The following CHLSN variants were observed in gnomAD, a reference collection of about 807,000 sequenced individuals.
CHLSN encodes the protein cholesin, also known as protein cholesin.
the CHLSN span, among the ~76,000 whole-genome samples, chr7:1,040,991 GCCA>G: frequency 2.0e-5 from 3 of 152,266 alleles, no homozygotes; most frequent in Non-Finnish European, 4.4e-5. Context: ...TCAACCCGAA[GCCA>G]GAGGCTCGGC....
the CHLSN span, among the ~76,000 whole-genome samples, chr7:998,847 C>T: frequency 6.6e-6 from 1 of 152,122 alleles, no homozygotes; most frequent in African/African-American, 2.4e-5. Flanking sequence ...CCCAAGGGCA[C>T]GAAATGGACT....
At chr7:1,010,271 C>T in the CHLSN span, 1 of 818,292 alleles carries the variant, frequency 1.2e-6, no homozygotes, top group Admixed American at 3.1e-5. Flanking sequence ...AGCACTGGGT[C>T]TGGCCCCAGC....
the CHLSN span, among the ~76,000 whole-genome samples, chr7:1,127,559 C>T: frequency 6.6e-6 from 1 of 150,402 alleles, no homozygotes; most frequent in Non-Finnish European, 1.5e-5. Flanking sequence ...AACCTATGGA[C>T]AACCAACTTG....
At chr7:1,105,413 C>A in the CHLSN span, among the ~76,000 whole-genome samples, 1 of 152,198 alleles carries the variant, frequency 6.6e-6, no homozygotes, top group Non-Finnish European at 1.5e-5. Flanking sequence ...TGCTTGAGAA[C>A]AACAGGGGCT....
chr7:1,014,716 G>A, the CHLSN span, among the ~76,000 whole-genome samples: 2 of 152,260 alleles, frequency 1.3e-5, no homozygotes, highest in African/African-American at 4.8e-5. Context: ...CCACGGTTCC[G>A]AATTTTCCTA....
the CHLSN span, chr7:985,262 T>C: frequency 6.4e-7 from 1 of 1,551,920 alleles, no homozygotes; most frequent in Non-Finnish European, 8.7e-7. Context: ...GACCCCGTGT[T>C]TGTGTCCCTG....
At chr7:1,079,475 C>T in the CHLSN span, among the ~76,000 whole-genome samples, 3 of 152,234 alleles carry the variant, frequency 2.0e-5, 1 homozygote, top group South Asian at 4.1e-4. Flanking sequence ...CAACTGTCTA[C>T]GCTGGGGAGA....
chr7:1,026,649 A>C, the CHLSN span: 1 of 152,184 alleles, frequency 6.6e-6, no homozygotes, highest in Non-Finnish European at 1.5e-5. Flanking sequence ...CTGCCACTTT[A>C]CTGAAAATCA....
At chr7:1,010,454 GCCC>G in the CHLSN span, among the ~76,000 whole-genome samples, 1 of 152,218 alleles carries the variant, frequency 6.6e-6, no homozygotes, top group Non-Finnish European at 1.5e-5. Context: ...GTGAGGTCCT[GCCC>G]CACCCCACAC....
At chr7:1,065,832 A>G in the CHLSN span, among the ~76,000 whole-genome samples, 1 of 152,234 alleles carries the variant, frequency 6.6e-6, no homozygotes, top group Non-Finnish European at 1.5e-5. Context: ...CAGGACACGC[A>G]GTAAGATTTC....
chr7:1,049,573 G>A, the CHLSN span, among the ~76,000 whole-genome samples: 3 of 152,158 alleles, frequency 2.0e-5, no homozygotes, highest in Non-Finnish European at 1.5e-5. Context: ...GACGGAGGGC[G>A]AGGGAGTTTC....
At chr7:1,082,515 T>C in the CHLSN span, among the ~76,000 whole-genome samples, 14 of 152,118 alleles carry the variant, frequency 9.2e-5, no homozygotes, top group Admixed American at 2.6e-4. Context: ...GTGCTGTGAG[T>C]GGCTGGGACG....
the CHLSN span, among the ~76,000 whole-genome samples, chr7:1,082,857 G>T: frequency 6.6e-6 from 1 of 152,238 alleles, no homozygotes; most frequent in Non-Finnish European, 1.5e-5. Flanking sequence ...TGCTACTGAA[G>T]AGAGGATGCG....
the CHLSN span, among the ~76,000 whole-genome samples, chr7:1,083,094 C>A: frequency 6.6e-6 from 1 of 152,038 alleles, no homozygotes; most frequent in Non-Finnish European, 1.5e-5. Context: ...GCCAGCACCA[C>A]CCTGCCCACT....
the CHLSN span, among the ~76,000 whole-genome samples, chr7:1,000,014 A>T: frequency 1.3e-5 from 2 of 152,236 alleles, no homozygotes; most frequent in African/African-American, 4.8e-5. Context: ...CGTCATGCAC[A>T]CACGCACGTG....
chr7:1,042,371 G>C, the CHLSN span, among the ~76,000 whole-genome samples: 1 of 152,228 alleles, frequency 6.6e-6, no homozygotes, highest in South Asian at 2.1e-4. Context: ...CCGCGAAGCT[G>C]AGTCAGGGCC....
the CHLSN span, chr7:987,231 AC>A: frequency 1.1e-5 from 17 of 1,534,066 alleles, no homozygotes; most frequent in Non-Finnish European, 1.5e-5. Context: ...ATGGGCCGGC[AC>A]CCGGACGTGC....
the CHLSN span, chr7:987,278 T>C: frequency 6.6e-7 from 1 of 1,504,988 alleles, no homozygotes; most frequent in Non-Finnish European, 8.9e-7. Context: ...GACGGCTCCT[T>C]CTGCCCCCGG....
At chr7:1,038,271 C>G in the CHLSN span, among the ~76,000 whole-genome samples, 1 of 97,806 alleles carries the variant, frequency 1.0e-5, no homozygotes, top group Admixed American at 9.5e-5. Flanking sequence ...GTCAGCCCCC[C>G]ACCTGGCCAG....
Sources: allele counts gnomAD v4.1 joint callset (sites outside exome capture counted in the v4.1 genomes callset), GRCh38; gene constraint gnomAD v4.1.1; transcripts MANE v1.5; gene names NCBI Gene and HGNC (gene_info 2026-07-23, HGNC 2026-07-21).